The following NALF1 variants were observed in gnomAD, a reference collection of about 807,000 sequenced individuals.
NALF1 encodes the protein family with sequence similarity 155 member A.
In NALF1, 3 loss-of-function variants were observed where a neutral mutation model predicts 48.4. The observed-to-expected ratio is 0.06, with a 90% CI of 0.03 to 0.16. NALF1 has a LOEUF of 0.16. Among genes scored for constraint, NALF1 ranks in the 10% least tolerant of loss-of-function variants. The probability of loss-of-function intolerance (pLI) is 1.00; values close to 1 mark genes in which losing one functional copy is unlikely to be tolerated. For synonymous variants in NALF1, 262 were observed against 245.7 expected (o/e 1.07, Z -0.62); for missense variants, 526 against 571.5 (o/e 0.92, Z 0.81).
chr13:107,474,599 G>A (rs1056073690), intron 1 of NALF1, among the ~76,000 whole-genome samples: 3 of 152,196 alleles, frequency 2.0e-5, no homozygotes, highest in Non-Finnish European at 2.9e-5. Flanking sequence ...GAGAGAGAGA[G>A]AAAATGTAGC....
chr13:107,193,899 C>CTA (rs1879331980), intron 2 of NALF1, among the ~76,000 whole-genome samples: 1 of 111,360 alleles, frequency 9.0e-6, no homozygotes, highest in Non-Finnish European at 2.1e-5. Context: ...GGAGCTGGCA[C>CTA]TAGAGAGAGA....
At chr13:107,633,337 C>A (rs1457318933) in intron 1 of NALF1, among the ~76,000 whole-genome samples, 1 of 151,820 alleles carries the variant, frequency 6.6e-6, no homozygotes, top group Non-Finnish European at 1.5e-5. Flanking sequence ...TAATTGCTGA[C>A]CCTGAGAAAA....
intron 1 of NALF1, among the ~76,000 whole-genome samples, chr13:107,550,560 T>A (rs927844351): frequency 6.6e-6 from 1 of 152,204 alleles, no homozygotes; most frequent in East Asian, 1.9e-4. Context: ...CTCTCATTGA[T>A]CTTTTCCTCG....
At chr13:107,673,198 T>C (rs1010327653) in intron 1 of NALF1, among the ~76,000 whole-genome samples, 35 of 152,198 alleles carry the variant, frequency 2.3e-4, no homozygotes, top group Non-Finnish European at 4.7e-4. Flanking sequence ...CTTCCCCTTC[T>C]CTTTCCTCCT....
chr13:107,668,438 T>C (rs1161689364), intron 1 of NALF1, among the ~76,000 whole-genome samples: 3 of 151,912 alleles, frequency 2.0e-5, no homozygotes, highest in African/African-American at 4.8e-5. Context: ...TATCTTCCTA[T>C]CCTGAGAGTC....
intron 1 of NALF1, among the ~76,000 whole-genome samples, chr13:107,574,755 G>A (rs1206137578): frequency 2.0e-5 from 3 of 152,040 alleles, no homozygotes; most frequent in Admixed American, 1.3e-4. Flanking sequence ...ATCCCTAAAG[G>A]ACACGCTGAT....
chr13:107,778,601 TTTTG>T (rs1162207517), intron 1 of NALF1, among the ~76,000 whole-genome samples: 6 of 151,410 alleles, frequency 4.0e-5, no homozygotes, highest in African/African-American at 7.3e-5. Context: ...TTTTCTGTTT[TTTTG>T]TTTGTTTGTT....
At chr13:107,379,570 C>T (rs1012472098) in intron 1 of NALF1, among the ~76,000 whole-genome samples, 1 of 152,140 alleles carries the variant, frequency 6.6e-6, no homozygotes, top group Non-Finnish European at 1.5e-5. Context: ...ACCTGCACCA[C>T]GTTGATCAGG....
intron 1 of NALF1, among the ~76,000 whole-genome samples, chr13:107,660,463 ACACACACACACACACAC>A (rs1566434028): frequency 5.9e-4 from 72 of 122,436 alleles, no homozygotes; most frequent in African/African-American, 2.5e-3. Context: ...ACACACACAC[ACACACACACACACACAC>A]ACACAACAAA....
At chr13:107,333,828 A>T (rs1282881038) in intron 1 of NALF1, among the ~76,000 whole-genome samples, 1 of 152,194 alleles carries the variant, frequency 6.6e-6, no homozygotes, top group Non-Finnish European at 1.5e-5. Flanking sequence ...CAATTTGTAG[A>T]TGGAATCATT....
intron 1 of NALF1, among the ~76,000 whole-genome samples, chr13:107,471,191 CGT>C (rs1885094841): frequency 3.3e-5 from 5 of 151,870 alleles, no homozygotes; most frequent in African/African-American, 1.2e-4. Context: ...TATTTATTGC[CGT>C]AACCAAATTA....
intron 1 of NALF1, among the ~76,000 whole-genome samples, chr13:107,399,515 C>T (rs995160290): frequency 6.6e-6 from 1 of 152,024 alleles, no homozygotes; most frequent in Non-Finnish European, 1.5e-5. Flanking sequence ...GAGAGGTCCC[C>T]CTGCTGCCGG....
At chr13:107,222,942 T>C (rs927741084) in intron 1 of NALF1, among the ~76,000 whole-genome samples, 2 of 152,220 alleles carry the variant, frequency 1.3e-5, no homozygotes, top group African/African-American at 2.4e-5. Context: ...TTTAGTGGGA[T>C]TTGTTTACTT....
intron 1 of NALF1, among the ~76,000 whole-genome samples, chr13:107,574,800 T>G (rs1376112517): frequency 6.6e-6 from 1 of 152,158 alleles, no homozygotes; most frequent in Non-Finnish European, 1.5e-5. Context: ...AGCCTTTCCT[T>G]AGCAAAGATG....
chr13:107,766,372 AT>A (rs57668065), intron 1 of NALF1, among the ~76,000 whole-genome samples: 30 of 152,156 alleles, frequency 2.0e-4, no homozygotes, highest in Admixed American at 4.6e-4. Context: ...TCAGAGAAAC[AT>A]TTTTTTTAAT....
intron 1 of NALF1, among the ~76,000 whole-genome samples, chr13:107,245,130 T>C (rs1880553663): frequency 6.6e-6 from 1 of 152,218 alleles, no homozygotes; most frequent in African/African-American, 2.4e-5. Context: ...ATAATCATTA[T>C]GGCTTTGTAA....
chr13:107,398,552 A>G (rs192049978), intron 1 of NALF1, among the ~76,000 whole-genome samples: 35 of 152,278 alleles, frequency 2.3e-4, no homozygotes, highest in Admixed American at 2.3e-3. Flanking sequence ...TAAATATTAT[A>G]GTAGGTTTTG....
chr13:107,200,972 G>T (rs184891117), intron 2 of NALF1, among the ~76,000 whole-genome samples: 1 of 152,100 alleles, frequency 6.6e-6, no homozygotes, highest in South Asian at 2.1e-4. Flanking sequence ...CAGGGGGACC[G>T]AGTGAAAATG....
At chr13:107,336,688 G>A (rs975762779) in intron 1 of NALF1, among the ~76,000 whole-genome samples, 1 of 152,030 alleles carries the variant, frequency 6.6e-6, no homozygotes, top group Non-Finnish European at 1.5e-5. Flanking sequence ...AAAATTGTAA[G>A]TAAAGCCCAT....
Sources: allele counts gnomAD v4.1 joint callset (sites outside exome capture counted in the v4.1 genomes callset), GRCh38; gene constraint gnomAD v4.1.1; transcripts MANE v1.5; gene names NCBI Gene and HGNC (gene_info 2026-07-23, HGNC 2026-07-21).